Variants in CACNA2D2 observed in about 807,000 individuals in gnomAD.
The protein encoded by CACNA2D2 is calcium voltage-gated channel auxiliary subunit alpha2delta 2, also known as voltage-dependent calcium channel subunit alpha-2/delta-2.
Under a neutral mutation model 166.4 loss-of-function variants are expected in CACNA2D2, and 48 were observed. The observed-to-expected ratio is 0.29, with a 90% CI of 0.23 to 0.37. The LOEUF (loss-of-function observed/expected upper bound fraction) is 0.37. Ranked by LOEUF, CACNA2D2 falls within the 10% of genes least tolerant of loss-of-function variation. CACNA2D2 has a pLI of 1.00. For synonymous variants in CACNA2D2, 561 were observed against 573.7 expected (o/e 0.98, Z 0.32); for missense variants, 1,122 against 1,433.0 (o/e 0.78, Z 3.50).
intron 3 of CACNA2D2, among the ~76,000 whole-genome samples, chr3:50,411,530 G>C (rs1293900880): frequency 6.6e-6 from 1 of 152,176 alleles, no homozygotes; most frequent in Non-Finnish European, 1.5e-5. Context: ...CCAACCGACT[G>C]TCCACCAGAT....
Position 50,394,130 on chromosome 3 carries a change from G to T in CACNA2D2, c.444C>A (p.His148Gln). The T allele has an allele frequency of 1.9e-6, 3 of 1,614,098 alleles. No homozygotes were observed. In the South Asian group the frequency reaches 3.3e-5, roughly 18 times the overall value. Residue 148 changes from histidine to glutamine, a missense_variant, in exon 4 of 38, where the codon CAC (histidine) becomes CAA (glutamine). Coordinates refer to ENST00000424201, the MANE Select transcript of CACNA2D2 (RefSeq NM_006030.4). The stretch of plus-strand genomic sequence containing the variant: ...CTACCTTGATGTTGTCCTGCCAGCG[G>T]TGTGCTTTCTGGAAGTTCTCTGCAG... Reference protein sequence around the residue: ...ADAAENFQKAHRWQDNIKEED... With the variant: ...ADAAENFQKAQRWQDNIKEED...
intron 2 of CACNA2D2, among the ~76,000 whole-genome samples, chr3:50,453,515 G>A (rs897760337): frequency 1.3e-5 from 2 of 152,140 alleles, no homozygotes; most frequent in African/African-American, 2.4e-5. Context: ...CTTCACACCC[G>A]GGATCCCTGC....
chr3:50,378,956 T>C lies in CACNA2D2; in HGVS notation c.1298A>G (p.Tyr433Cys). Residue 433 changes from tyrosine to cysteine, a missense_variant, in exon 13 of 38, where the codon TAT (tyrosine) becomes TGT (cysteine). Tyr to Cys is a radical substitution (Grantham distance 194). Around this residue, in one of 2 missense-constraint regions of CACNA2D2, gnomAD observed 840 missense variants for 1,166.8 expected, o/e 0.72. Coordinates refer to ENST00000424201, the MANE Select transcript of CACNA2D2 (RefSeq NM_006030.4). The stretch of plus-strand genomic sequence containing the variant: ...CATCCACTGCAGCGGTGTGACGTCA[T>C]AGTTATGCTGCCCCACGGAGAAAGT... ...VFTFSVGQHN[Y>C]DVTPLQWMAC... 6.2e-7 allele frequency: 1 copy of C among 1,613,854 alleles called. No homozygotes were observed. The highest frequency in any genetic ancestry group is 8.5e-7 in the Non-Finnish European group (1 of 1,180,020).
chr3:50,400,274 C>T (rs1418399546), intron 3 of CACNA2D2, among the ~76,000 whole-genome samples: 1 of 152,240 alleles, frequency 6.6e-6, no homozygotes. Flanking sequence ...GGGGCCCTGG[C>T]CCTGTGGGCC....
chr3:50,480,494 G>A (rs761821039), intron 1 of CACNA2D2, among the ~76,000 whole-genome samples: 14 of 151,884 alleles, frequency 9.2e-5, no homozygotes, highest in Non-Finnish European at 1.6e-4. Flanking sequence ...TGTGGGGAGG[G>A]GGCACTGCAG....
intron 3 of CACNA2D2, among the ~76,000 whole-genome samples, chr3:50,403,358 G>C (rs1706542206): frequency 6.6e-6 from 1 of 152,132 alleles, no homozygotes; most frequent in African/African-American, 2.4e-5. Flanking sequence ...CTTCTCTCTA[G>C]GGCCTTCTAA....
At chr3:50,369,877 T>C (rs1704560787) in intron 23 of CACNA2D2, among the ~76,000 whole-genome samples, 1 of 152,218 alleles carries the variant, frequency 6.6e-6, no homozygotes, top group South Asian at 2.1e-4. Flanking sequence ...ACAGGGGCTC[T>C]GGCTGGCTCG....
chr3:50,384,360 C>T, intron 5 of CACNA2D2, 23 bp from the exon 6 acceptor site: 1 of 1,611,434 alleles, frequency 6.2e-7, no homozygotes, highest in East Asian at 2.2e-5. Context: ...CACCCCCGAG[C>T]AATGTCAGGG....
At chr3:50,407,751 G>A (rs1463727373) in intron 3 of CACNA2D2, among the ~76,000 whole-genome samples, 2 of 152,202 alleles carry the variant, frequency 1.3e-5, no homozygotes, top group African/African-American at 4.8e-5. Context: ...TGTCTCAAAG[G>A]GCACATAAAC....
At chr3:50,439,557 C>CTCACCACATT (rs1279757672) in intron 2 of CACNA2D2, among the ~76,000 whole-genome samples, 1 of 152,252 alleles carries the variant, frequency 6.6e-6, no homozygotes, top group African/African-American at 2.4e-5. Context: ...CTCCAATCCC[C>CTCACCACATT]TCACCACATT....
chr3:50,365,132 C>T lies in CACNA2D2; in HGVS notation c.3151G>A (p.Glu1051Lys). ...TNTNLLFVVA[E>K]KPLCSQCEAG... ...TCGCACTGGCTGCACAGCGGCTTCT[C>T]GGCCACCACAAAGAGAAGATTGGTG... The change falls in exon 36 of 38, where the codon GAG becomes AAG. Residue 1051 changes from glutamate to lysine, a missense_variant. Glu to Lys is a moderately conservative substitution (Grantham distance 56). Coordinates refer to ENST00000424201, the MANE Select transcript of CACNA2D2 (RefSeq NM_006030.4). The surrounding 1 kb of genome is among the most constrained non-coding windows in gnomAD (Gnocchi z 4.5). The T allele has an allele frequency of 6.2e-7, 1 of 1,612,166 alleles. No homozygotes were observed. The highest frequency in any genetic ancestry group is 8.5e-7 in the Non-Finnish European group (1 of 1,179,718).
At chr3:50,403,987 A>C (rs1706571126) in intron 3 of CACNA2D2, among the ~76,000 whole-genome samples, 1 of 152,182 alleles carries the variant, frequency 6.6e-6, no homozygotes, top group South Asian at 2.1e-4. Flanking sequence ...TGATTCATGG[A>C]TCTGTGTGGC....
At chr3:50,468,049 C>T (rs558633167) in intron 2 of CACNA2D2, among the ~76,000 whole-genome samples, 31 of 152,318 alleles carry the variant, frequency 2.0e-4, no homozygotes, top group African/African-American at 7.0e-4. Flanking sequence ...GTCTCCGTGG[C>T]TGCCACTGAT....
Position 50,365,513 on chromosome 3 carries a change from C to G in CACNA2D2, c.2972-31G>C, listed in dbSNP as rs772267031. On this transcript the variant is annotated intron_variant, in intron 34 of 37. Transcript: ENST00000424201. The surrounding 1 kb of genome is among the most constrained non-coding windows in gnomAD (Gnocchi z 4.5). ...AGGGCCCAGAGCGCCTCAGCTCCGC[C>G]CACAGACCCTGGCAAGGTCTCCGGC... 3.1e-6 allele frequency: 5 copies of G among 1,608,924 alleles called. No individual in the cohort carries two copies. Among genetic ancestry groups the G allele is most frequent in the Non-Finnish European group, 4.2e-6 (5 of 1,177,862 alleles).
chr3:50,388,851 T>C (rs952094394), intron 4 of CACNA2D2, among the ~76,000 whole-genome samples: 1 of 152,190 alleles, frequency 6.6e-6, no homozygotes, highest in Non-Finnish European at 1.5e-5. Flanking sequence ...ACTGGCCAAA[T>C]GTGCAGGCTT....
intron 1 of CACNA2D2, among the ~76,000 whole-genome samples, chr3:50,480,537 G>T (rs1698001966): frequency 6.6e-6 from 1 of 151,866 alleles, no homozygotes; most frequent in African/African-American, 2.4e-5. Flanking sequence ...AGCTCTGCAG[G>T]TAAGAAGATG....
Position 50,366,222 on chromosome 3 carries a change from G to A in CACNA2D2, c.2709+45C>T. 6.2e-7 allele frequency: 1 copy of A among 1,613,852 alleles called. No homozygotes were observed. Among genetic ancestry groups the A allele is most frequent in the Non-Finnish European group, 8.5e-7 (1 of 1,179,784 alleles). ...GCTGGCAGTGCTACACCCCTAGAAG[G>A]CTCAAATCCCTACTCTCTTCTTTCA... On this transcript the variant is annotated intron_variant, in intron 31 of 37. Coordinates refer to ENST00000424201, the MANE Select transcript of CACNA2D2 (RefSeq NM_006030.4). This position sits in a 1 kb window ranked among gnomAD's most constrained non-coding sequence, Gnocchi z 5.9.
At chr3:50,370,408 CG>C in intron 22 of CACNA2D2, 28 bp from the exon 23 acceptor site, 3 of 690,212 alleles carry the variant, frequency 4.3e-6, no homozygotes, top group South Asian at 3.3e-5. Context: ...GGTTATCCGG[CG>C]GGGGCTGGGG....
chr3:50,451,280 C>T (rs887113005), intron 2 of CACNA2D2, among the ~76,000 whole-genome samples: 5 of 152,178 alleles, frequency 3.3e-5, no homozygotes, highest in African/African-American at 1.2e-4. Flanking sequence ...TGTGCGCCAC[C>T]ATGCCCAGCT....
Sources: gnomAD v4.1 joint callset for allele counts (sites outside exome capture counted in the v4.1 genomes callset) on GRCh38, gnomAD v4.1.1 for gene constraint, gnomAD v4.1.1 regional missense constraint, Gnocchi (gnomAD v3.1) non-coding constraint, MANE v1.5 for transcripts, NCBI Gene and HGNC (gene_info 2026-07-23, HGNC 2026-07-21) for gene names.